The following DSE variants were observed in gnomAD, a reference collection of about 807,000 sequenced individuals.
DSE encodes the protein dermatan sulfate epimerase.
DSE carries 36 observed loss-of-function variants against 84.4 expected under a neutral mutation model. That is an observed-to-expected ratio of 0.43 (90% CI 0.33 to 0.56). The LOEUF (loss-of-function observed/expected upper bound fraction) is 0.56, where lower values mean the gene tolerates loss of function less well. Ranked by LOEUF, DSE falls within the 20% of genes least tolerant of loss-of-function variation. The pLI is 0.06. For missense variants in DSE, 862 were observed against 1,169.6 expected (o/e 0.74, Z 3.84); for synonymous variants, 410 against 430.1 (o/e 0.95, Z 0.58).
At chr6:116,278,566 A>C (rs1292149126) in intron 2 of DSE, 1 of 1,614,198 alleles carries the variant, frequency 6.2e-7, no homozygotes, top group Non-Finnish European at 8.5e-7. Context: ...AGGCTCCCTT[A>C]GCGGGCGACG....
At chr6:116,406,296 C>T (rs1042375056) in intron 2 of DSE, among the ~76,000 whole-genome samples, 2 of 152,164 alleles carry the variant, frequency 1.3e-5, no homozygotes, top group African/African-American at 2.4e-5. Flanking sequence ...GGGTATAAAT[C>T]AGTGCCCCTC....
chr6:116,354,828 C>CA (rs1238860860), intron 2 of DSE, among the ~76,000 whole-genome samples: 2 of 151,904 alleles, frequency 1.3e-5, no homozygotes, highest in African/African-American at 2.4e-5. Context: ...ACATGTTTTA[C>CA]ATTACTTTTT....
Position 116,439,069 on chromosome 6 carries a change from C to T in DSE, c.*1724C>T, listed in dbSNP as rs1240160061. Reference sequence around the variant, plus strand: ...ATGCTCTTACTAGGATTTAAACTTGCTTTATGTGACAGATTCTCCATTTAC... The same window carrying T: ...ATGCTCTTACTAGGATTTAAACTTGTTTTATGTGACAGATTCTCCATTTAC... On this transcript the variant is annotated 3_prime_UTR_variant, in exon 6 of 6. Coordinates refer to ENST00000644252, the MANE Select transcript of DSE (RefSeq NM_013352.4). The T allele has an allele frequency of 1.3e-5, 2 of 152,236 alleles. No individual in the cohort carries two copies. Among genetic ancestry groups the T allele is most frequent in the South Asian group, 2.1e-4 (1 of 4,824 alleles). The allele number at this position is 152,236 out of a possible 1,614,324, so 9.4% of individuals were successfully genotyped here. A position where few individuals can be genotyped will look rare whatever the true frequency, so the allele number is the denominator to read the frequency against.
At chr6:116,334,381 C>A (rs917862660) in intron 2 of DSE, among the ~76,000 whole-genome samples, 7 of 152,160 alleles carry the variant, frequency 4.6e-5, no homozygotes, top group Admixed American at 2.0e-4. Flanking sequence ...TAATTCTACT[C>A]CCTGTTGGTC....
At chr6:116,428,196 T>G (rs548050700) in intron 3 of DSE, among the ~76,000 whole-genome samples, 6 of 151,644 alleles carry the variant, frequency 4.0e-5, no homozygotes, top group Non-Finnish European at 5.9e-5. Flanking sequence ...CTTAAAGAAA[T>G]AAATAAATAA....
At chr6:116,416,355 G>C (rs1205733822) in intron 2 of DSE, among the ~76,000 whole-genome samples, 1 of 128,646 alleles carries the variant, frequency 7.8e-6, no homozygotes, top group Non-Finnish European at 1.6e-5. Flanking sequence ...GCCACTGTGT[G>C]TGTGTGTGTG....
Position 116,444,534 on chromosome 6 carries a change from C to T in DSE, c.*7189C>T, listed in dbSNP as rs1475343859. 6.6e-6 allele frequency: 1 copy of T among 152,218 alleles called. No homozygotes were observed. The highest frequency in any genetic ancestry group is 2.4e-5 in the African/African-American group (1 of 41,448). 9.4% of individuals were successfully genotyped at this position (152,218 alleles called of 1,614,324 possible). Reference sequence around the variant, plus strand: ...AGACTGTGGTCCCAGAAGACCTTAACATTGAGCTTGCTGCAGACTGAATGT... The same window carrying T: ...AGACTGTGGTCCCAGAAGACCTTAATATTGAGCTTGCTGCAGACTGAATGT... On this transcript the variant is annotated 3_prime_UTR_variant, in exon 6 of 6. Coordinates refer to ENST00000644252, the MANE Select transcript of DSE (RefSeq NM_013352.4).
At chr6:116,426,141 T>TA (rs1403113645) in intron 2 of DSE, among the ~76,000 whole-genome samples, 2 of 152,150 alleles carry the variant, frequency 1.3e-5, no homozygotes, top group African/African-American at 4.8e-5. Context: ...AGGCAATACA[T>TA]ATGTTCAACT....
At chr6:116,334,824 A>C (rs1777146795) in intron 2 of DSE, among the ~76,000 whole-genome samples, 1 of 152,236 alleles carries the variant, frequency 6.6e-6, no homozygotes, top group African/African-American at 2.4e-5. Context: ...ACAGAAATGC[A>C]AATCAAAACC....
intron 3 of DSE, among the ~76,000 whole-genome samples, chr6:116,430,681 A>G (rs755448543): frequency 6.6e-6 from 1 of 152,260 alleles, no homozygotes; most frequent in East Asian, 1.9e-4. Flanking sequence ...AGCTGGGACT[A>G]CAGGCATCTG....
chr6:116,366,762 A>T (rs1485211567), upstream of DSE: 1 of 152,236 alleles, frequency 6.6e-6, no homozygotes, highest in African/African-American at 2.4e-5. Flanking sequence ...CATAATTGTT[A>T]TGTGGTCTGA....
chr6:116,274,193 C>A (rs1773010535), intron 2 of DSE, among the ~76,000 whole-genome samples: 1 of 152,062 alleles, frequency 6.6e-6, no homozygotes, highest in Non-Finnish European at 1.5e-5. Flanking sequence ...AGATATTTTC[C>A]TTTTCTGTTG....
intron 2 of DSE, among the ~76,000 whole-genome samples, chr6:116,425,623 T>A (rs1295378661): frequency 1.5e-4 from 19 of 127,708 alleles, no homozygotes; most frequent in African/African-American, 5.5e-4. Context: ...ATTTTTATTT[T>A]ATTTTATTTT....
At chr6:116,403,317 A>G (rs1554222974) in intron 2 of DSE, among the ~76,000 whole-genome samples, 1 of 152,118 alleles carries the variant, frequency 6.6e-6, no homozygotes, top group Non-Finnish European at 1.5e-5. Flanking sequence ...AAAATTAAAA[A>G]GGTATTATTT....
chr6:116,301,482 C>T (rs992424643), intron 2 of DSE, among the ~76,000 whole-genome samples: 1 of 152,046 alleles, frequency 6.6e-6, no homozygotes, highest in Non-Finnish European at 1.5e-5. Context: ...GAGGGAAGAA[C>T]CATTTTATAT....
Position 116,399,454 on chromosome 6 carries a change from A to G in DSE, c.204A>G (p.Ala68=). ...CTGCCAGCTCGCACGAGCACATTGC[A>G]GCCCGCCTCACGGAGGCTGTGCACA... The part of the protein sequence containing the change: ...LRAASSHEHI[A]ARLTEAVHTM... The change falls in exon 2 of 6, where the codon GCA becomes GCG. Residue 68 remains alanine (A), a synonymous_variant. Transcript: ENST00000644252. The G allele has an allele frequency of 6.2e-7, 1 of 1,614,244 alleles. No homozygotes were observed. The highest frequency in any genetic ancestry group is 8.5e-7 in the Non-Finnish European group (1 of 1,180,038).
chr6:116,422,956 C>T (rs1369314640), intron 2 of DSE, among the ~76,000 whole-genome samples: 3 of 152,204 alleles, frequency 2.0e-5, no homozygotes, highest in African/African-American at 7.2e-5. Flanking sequence ...CTGTAGTTTA[C>T]AAAAGAGGAA....
chr6:116,388,817 TGAA>T (rs1429123729), intron 1 of DSE, among the ~76,000 whole-genome samples: 1 of 152,236 alleles, frequency 6.6e-6, no homozygotes, highest in Non-Finnish European at 1.5e-5. Context: ...CTTTGGTTGA[TGAA>T]GAAGTAGATT....
intron 1 of DSE, among the ~76,000 whole-genome samples, chr6:116,391,167 A>G (rs557337520): frequency 2.0e-5 from 3 of 152,358 alleles, no homozygotes; most frequent in South Asian, 2.1e-4. Flanking sequence ...TTCACATTAT[A>G]TAATGAAAAA....
Sources: allele counts gnomAD v4.1 joint callset (sites outside exome capture counted in the v4.1 genomes callset), GRCh38; gene constraint gnomAD v4.1.1; transcripts MANE v1.5; gene names NCBI Gene and HGNC (gene_info 2026-07-23, HGNC 2026-07-21).